PAPPA2: variants seen among roughly 807,000 people sequenced by gnomAD.
The protein encoded by PAPPA2 is pappalysin 2.
PAPPA2 carries 86 observed loss-of-function variants against 176.4 expected under a neutral mutation model. The ratio of observed to expected loss-of-function variants is 0.49; its 90% CI spans 0.41 to 0.58. The LOEUF (loss-of-function observed/expected upper bound fraction) is 0.58, where lower values mean the gene tolerates loss of function less well. Among genes scored for constraint, PAPPA2 ranks in the 20% least tolerant of loss-of-function variants. The pLI, the probability that PAPPA2 is intolerant of heterozygous loss-of-function variation, is 0.00. For missense variants in PAPPA2, 2,073 were observed against 2,256.9 expected (o/e 0.92, Z 1.65); for synonymous variants, 809 against 852.2 (o/e 0.95, Z 0.88).
chr1:176,475,772 AGAGGGAAGTGGTTTAGGGAG>A (rs766334385), intron 1 of PAPPA2, among the ~76,000 whole-genome samples: 17 of 152,162 alleles, frequency 1.1e-4, no homozygotes, highest in Non-Finnish European at 2.4e-4. Context: ...GGAGGATGGG[AGAGGGAAGTGGTTTAGGGAG>A]GAGGGAAAGA....
chr1:176,490,480 G>C (rs1380117120), intron 1 of PAPPA2, among the ~76,000 whole-genome samples: 1 of 152,056 alleles, frequency 6.6e-6, no homozygotes, highest in Non-Finnish European at 1.5e-5. Context: ...CTGTAAAACT[G>C]TCCCAGCTTA....
At chr1:176,824,684 AC>A (rs1206918607) in intron 21 of PAPPA2, among the ~76,000 whole-genome samples, 1 of 152,058 alleles carries the variant, frequency 6.6e-6, no homozygotes, top group African/African-American at 2.4e-5. Context: ...TTTAATTTGC[AC>A]CTCTATCGCT....
intron 3 of PAPPA2, among the ~76,000 whole-genome samples, chr1:176,635,929 T>C (rs906955899): frequency 6.6e-6 from 1 of 152,100 alleles, no homozygotes; most frequent in Admixed American, 6.6e-5. Context: ...CCAAATGCCC[T>C]GAGTTAACCT....
intron 12 of PAPPA2, among the ~76,000 whole-genome samples, chr1:176,729,782 T>A (rs950844270): frequency 2.0e-5 from 3 of 152,098 alleles, no homozygotes; most frequent in African/African-American, 7.2e-5. Context: ...AGAAAAAATA[T>A]TAAAACCAGC....
chr1:176,497,383 C>T (rs139962519), intron 1 of PAPPA2, among the ~76,000 whole-genome samples: 15 of 152,240 alleles, frequency 9.9e-5, no homozygotes, highest in Admixed American at 9.2e-4. Flanking sequence ...AAGGCATCTA[C>T]TACATCATTA....
At chr1:176,508,180 A>G (rs1409372326) in intron 1 of PAPPA2, among the ~76,000 whole-genome samples, 2 of 152,218 alleles carry the variant, frequency 1.3e-5, no homozygotes, top group East Asian at 1.9e-4. Flanking sequence ...TCTTTAAAGA[A>G]AGACTACGAA....
At chr1:176,768,817 AG>A in intron 15 of PAPPA2, among the ~76,000 whole-genome samples, 1 of 152,282 alleles carries the variant, frequency 6.6e-6, no homozygotes, top group South Asian at 2.1e-4. Context: ...TTTAACCACA[AG>A]GTTTGGAAGA....
chr1:176,505,954 T>A (rs1160826615), intron 1 of PAPPA2, among the ~76,000 whole-genome samples: 1 of 152,064 alleles, frequency 6.6e-6, no homozygotes, highest in Non-Finnish European at 1.5e-5. Flanking sequence ...TGGAAGATAC[T>A]CAGATTTTAA....
rs1180925434 is a variant in PAPPA2, at chr1:176,793,571, T to A, written c.5032T>A (p.Ser1678Thr). Residue 1678 changes from serine (S) to threonine (T), a missense_variant, in exon 20 of 23, where the codon TCC becomes ACC. Transcript: ENST00000367662. ...TTCTGTTCTTTCAGGTGCAGTGTGT[T>A]CCCCATTGTGTGTAATCCCCCCCAG... ...EQGYGIGAVC[S>T]PLCVIPPSDP... is the part of the protein sequence containing the mutation. The A allele has an allele frequency of 1.2e-6, 2 of 1,610,586 alleles. No homozygotes were observed. The highest frequency in any genetic ancestry group is 1.3e-5 in the African/African-American group (1 of 74,782).
At chr1:176,750,217 C>T (rs1663104182) in intron 14 of PAPPA2, among the ~76,000 whole-genome samples, 1 of 151,748 alleles carries the variant, frequency 6.6e-6, no homozygotes. Context: ...ATTAAGAGTA[C>T]CAACCCTGTA....
chr1:176,504,586 T>C (rs1265711969), intron 1 of PAPPA2, among the ~76,000 whole-genome samples: 2 of 152,142 alleles, frequency 1.3e-5, no homozygotes, highest in Non-Finnish European at 2.9e-5. Flanking sequence ...CTTAGCTGCG[T>C]TCCCTGATGC....
intron 1 of PAPPA2, among the ~76,000 whole-genome samples, chr1:176,535,368 A>G (rs1252884455): frequency 6.6e-6 from 1 of 152,128 alleles, no homozygotes; most frequent in Non-Finnish European, 1.5e-5. Flanking sequence ...TAACCTCTAG[A>G]TTTCATTTTT....
At chr1:176,832,705 A>G (rs147279190) in intron 21 of PAPPA2, among the ~76,000 whole-genome samples, 22 of 152,322 alleles carry the variant, frequency 1.4e-4, no homozygotes, top group African/African-American at 5.3e-4. Context: ...TTTCTGGGGC[A>G]GGAACTATTA....
chr1:176,690,099 T>C (rs1465169016), intron 4 of PAPPA2, 38 bp from the exon 5 acceptor site: 1 of 1,525,180 alleles, frequency 6.6e-7, no homozygotes, highest in Non-Finnish European at 9.0e-7. Flanking sequence ...AGCTATTCAT[T>C]CTGTGCTCTG....
intron 1 of PAPPA2, among the ~76,000 whole-genome samples, chr1:176,498,614 G>A (rs953789631): frequency 6.6e-6 from 1 of 151,998 alleles, no homozygotes; most frequent in African/African-American, 2.4e-5. Flanking sequence ...GCCAGGTGTG[G>A]TGGCGGGCGC....
At chr1:176,829,300 A>T (rs1434268359) in intron 21 of PAPPA2, among the ~76,000 whole-genome samples, 1 of 151,684 alleles carries the variant, frequency 6.6e-6, no homozygotes, top group African/African-American at 2.4e-5. Context: ...AAAAAAAAAA[A>T]GATGCTCAGC....
At chr1:176,732,001 C>A (rs995118184) in intron 12 of PAPPA2, among the ~76,000 whole-genome samples, 1 of 151,898 alleles carries the variant, frequency 6.6e-6, no homozygotes, top group East Asian at 1.9e-4. Flanking sequence ...CTAAATCTGG[C>A]AAAATAGTTT....
rs574826038 is a variant in PAPPA2 at position 176,825,630 on chromosome 1, TTAGA to T, written c.5203-14538_5203-14535del. Among the ~76,000 whole-genome samples the T allele has an allele frequency of 6.7e-4, 102 of 152,284 alleles. 1 individual carries two copies. The South Asian group carries it at 0.011, about 17-fold the overall frequency. On this transcript the variant is annotated intron_variant, in intron 21 of 22. Coordinates refer to ENST00000367662, the MANE Select transcript of PAPPA2 (RefSeq NM_020318.3). ...AGAGACTAGGAGACTCAAGACAAAC[TTAGA>T]TAGAGCATTGCTGCTATACCTCAGC...
In PAPPA2 at chr1:176,803,197, G is replaced by A. The variant is rs187291917; in HGVS notation, c.5202+3065G>A. ...ATTCCAATCCTGGGTCAGCTGAGTA[G>A]TGTGAGCCTCTGTATTGGGAACTGG... is the stretch of plus-strand genomic sequence containing the variant. On this transcript the variant is annotated intron_variant, in intron 21 of 22. Coordinates refer to ENST00000367662, the MANE Select transcript of PAPPA2 (RefSeq NM_020318.3). 1.2e-3 allele frequency among the ~76,000 whole-genome samples: 179 copies of A among 152,322 alleles called. 1 individual carries two copies. Among genetic ancestry groups the A allele is most frequent in the Admixed American group, 3.9e-3 (60 of 15,302 alleles).
Sources: gnomAD v4.1 joint callset for allele counts (sites outside exome capture counted in the v4.1 genomes callset) on GRCh38, gnomAD v4.1.1 for gene constraint, MANE v1.5 for transcripts, NCBI Gene and HGNC (gene_info 2026-07-23, HGNC 2026-07-21) for gene names.